The following TIE1 variants were observed in gnomAD, a reference collection of about 807,000 sequenced individuals.
The protein encoded by TIE1 is tyrosine-protein kinase receptor Tie-1.
In TIE1, 89 loss-of-function variants were observed where a neutral mutation model predicts 130.5. The observed-to-expected ratio is 0.68, with a 90% confidence interval of 0.57 to 0.81. The LOEUF (loss-of-function observed/expected upper bound fraction) is 0.81, where lower values mean the gene tolerates loss of function less well. Ranked by LOEUF, TIE1 falls within the 40% of genes least tolerant of loss-of-function variation. The probability of loss-of-function intolerance (pLI) is 0.00; values close to 1 mark genes in which losing one functional copy is unlikely to be tolerated. For synonymous variants in TIE1, 568 were observed against 629.4 expected (o/e 0.90, Z 1.46); for missense variants, 1,392 against 1,559.8 (o/e 0.89, Z 1.81).
At position 43,317,180 on chromosome 1, in the gene TIE1, C is replaced by T. The variant is rs1333791999; in HGVS notation, c.2410-19C>T. 3 of 1,613,360 alleles carry T rather than the reference C, an allele frequency of 1.9e-6. No homozygotes were observed. Among genetic ancestry groups the T allele is most frequent in the African/African-American group, 1.3e-5 (1 of 74,892 alleles). On this transcript the variant is annotated intron_variant, in intron 14 of 22. Transcript: ENST00000372476. This position sits in a 1 kb window ranked among gnomAD's most constrained non-coding sequence, Gnocchi z 5.1. ...GACTCTTGCGTGGACCGTCTGCCCT[C>T]TTGTCTCATCCTGTGAAGGGCGAGG...
chr1:43,313,074 A>G lies in TIE1; in HGVS notation c.1928-61A>G. On this transcript the variant is annotated intron_variant, in intron 12 of 22. Coordinates refer to ENST00000372476, the MANE Select transcript of TIE1 (RefSeq NM_005424.5). This position sits in a 1 kb window ranked among gnomAD's most constrained non-coding sequence, Gnocchi z 6.2. ...GAGCACAGCTAGAGCAGATGTGTCC[A>G]GCCCCACAGCTACATAGCCCGGTCC... The G allele has an allele frequency of 1.4e-5, 22 of 1,535,652 alleles. No individual in the cohort carries two copies. The highest frequency in any genetic ancestry group is 1.9e-5 in the Non-Finnish European group (22 of 1,137,158).
chr1:43,309,210 T>G lies in TIE1; in HGVS notation c.1188+79T>G. The G allele has an allele frequency of 6.6e-7, 1 of 1,521,242 alleles. No homozygotes were observed. Among genetic ancestry groups the G allele is most frequent in the Non-Finnish European group, 8.8e-7 (1 of 1,133,536 alleles). 94.2% of individuals were successfully genotyped at this position (1,521,242 alleles called of 1,614,324 possible). A position where few individuals can be genotyped will look rare whatever the true frequency, so the allele number is the denominator to read the frequency against. ...CTGATCCCTAAGACCCCCTAGTCCC[T>G]CAGAACTTTCTGCAGGGCCCACCCA... On this transcript the variant is annotated intron_variant, in intron 8 of 22. Coordinates refer to ENST00000372476, the MANE Select transcript of TIE1 (RefSeq NM_005424.5). This position sits in a 1 kb window ranked among gnomAD's most constrained non-coding sequence, Gnocchi z 6.3.
intron 19 of TIE1, chr1:43,320,943 C>T: frequency 2.9e-6 from 1 of 347,040 alleles, no homozygotes; most frequent in Non-Finnish European, 5.2e-6. Flanking sequence ...ACAAGGGAGA[C>T]TGAGGTGGGA....
At position 43,307,422 on chromosome 1, in the gene TIE1, CTCTT is replaced by C. The variant is rs781029585; in HGVS notation, c.773-6_773-3del. The C allele has an allele frequency of 1.3e-5, 21 of 1,614,016 alleles. No homozygotes were observed. Among genetic ancestry groups the C allele is most frequent in the Non-Finnish European group, 1.7e-5 (20 of 1,179,966 alleles). Reference sequence around the variant, plus strand: ...CAGAGGCCCATACACCCCACACACTCTCTTTCTAGCCTGCAGAGAGGGCCGTTTT... The same window carrying C: ...CAGAGGCCCATACACCCCACACACTCTCTAGCCTGCAGAGAGGGCCGTTTT... On this transcript the variant is annotated splice_region_variant and splice_polypyrimidine_tract_variant and intron_variant, in intron 5 of 22. Coordinates refer to ENST00000372476, the MANE Select transcript of TIE1 (RefSeq NM_005424.5). This position sits in a 1 kb window ranked among gnomAD's most constrained non-coding sequence, Gnocchi z 5.4.
chr1:43,313,856 TG>T lies in TIE1; in HGVS notation c.2300del (p.Gly767AlafsTer15). ...GATCAGCAGCTGATCCTGGCGGTGG[TG>T]GGCTCCGTGTCTGCCACCTGCCTCA... ...GLDQQLILAV[V>X]GSVSATCLTI... On this transcript the variant is annotated frameshift_variant, in exon 14 of 23. Transcript: ENST00000372476. LOFTEE classifies it high-confidence loss of function. The surrounding 1 kb of genome is among the most constrained non-coding windows in gnomAD (Gnocchi z 6.2). 6.2e-7 allele frequency: 1 copy of T among 1,614,030 alleles called. No homozygotes were observed. Among genetic ancestry groups the T allele is most frequent in the Non-Finnish European group, 8.5e-7 (1 of 1,179,962 alleles).
chr1:43,320,213 TA>T (rs1557455058), intron 19 of TIE1: 1 of 152,744 alleles, frequency 6.5e-6, no homozygotes, highest in Non-Finnish European at 1.5e-5. Context: ...CAGTCAAGAG[TA>T]AGAGCTTTGG....
Position 43,319,401 on chromosome 1 carries a change from AG to A in TIE1, c.3036+55del. The A allele has an allele frequency of 6.2e-7, 1 of 1,612,396 alleles. No homozygotes were observed. The highest frequency in any genetic ancestry group is 1.1e-5 in the South Asian group (1 of 91,026). On this transcript the variant is annotated intron_variant, in intron 18 of 22. Transcript: ENST00000372476. The surrounding 1 kb of genome is among the most constrained non-coding windows in gnomAD (Gnocchi z 4.7). The stretch of plus-strand genomic sequence containing the variant: ...GGGCTTGTGCCTGGCCCTGCCCCAC[AG>A]GAGCCTCAAACAGGCCCTTCCTCCA...
chr1:43,301,745 T>C (rs572271296), intron 1 of TIE1, among the ~76,000 whole-genome samples: 17 of 152,294 alleles, frequency 1.1e-4, no homozygotes, highest in African/African-American at 3.9e-4. Context: ...GGCAGGAGCC[T>C]GTAATCCCAG....
At position 43,306,762 on chromosome 1, in the gene TIE1, G is replaced by A. The variant is rs1330406927; in HGVS notation, c.485-78G>A. The A allele has an allele frequency of 4.7e-6, 7 of 1,503,890 alleles. No individual in the cohort carries two copies. Among genetic ancestry groups the A allele is most frequent in the African/African-American group, 1.4e-5 (1 of 71,754 alleles). 93.2% of individuals were successfully genotyped at this position (1,503,890 alleles called of 1,614,324 possible). On this transcript the variant is annotated intron_variant, in intron 3 of 22. Transcript: ENST00000372476. The surrounding 1 kb of genome is among the most constrained non-coding windows in gnomAD (Gnocchi z 4.9). ...CTGTGCATGGGGCTCATTGATGTGA[G>A]CTGAGCAGAGGTGGACAGAGAGAGG...
rs977212055 is a variant in TIE1, at chr1:43,314,299, C to T, written c.2409+331C>T. ...GATTTTCCTCTCCCCTCTTTTATTT[C>T]TCCCTAGCGGTTATCTAGGCCTAGA... On this transcript the variant is annotated intron_variant, in intron 14 of 22. Coordinates refer to ENST00000372476, the MANE Select transcript of TIE1 (RefSeq NM_005424.5). 12 of 1,028,120 alleles carry T rather than the reference C, an allele frequency of 1.2e-5. No individual in the cohort carries two copies. The African/African-American group carries it at 2.0e-4, about 17-fold the overall frequency. The allele number at this position is 1,028,120 out of a possible 1,614,324, so 63.7% of individuals were successfully genotyped here. A position where few individuals can be genotyped will look rare whatever the true frequency, so the allele number is the denominator to read the frequency against.
At position 43,307,575 on chromosome 1, in the gene TIE1, A is replaced by G; in HGVS notation, c.913+3A>G. ...GAGAGGAAGCCAGTGCCAAGAAGGT[A>G]TGCCTAACCTACCCTCATGGTCCCT... On this transcript the variant is annotated splice_donor_region_variant and intron_variant, in intron 6 of 22. Transcript: ENST00000372476. This position sits in a 1 kb window ranked among gnomAD's most constrained non-coding sequence, Gnocchi z 5.4. The G allele has an allele frequency of 3.1e-6, 5 of 1,614,042 alleles. No individual in the cohort carries two copies. Among genetic ancestry groups the G allele is most frequent in the Non-Finnish European group, 4.2e-6 (5 of 1,179,988 alleles).
rs991762562 is a variant in TIE1, at chr1:43,309,088, G to A, written c.1145G>A (p.Arg382Gln). 13 of 1,613,298 alleles carry A rather than the reference G, an allele frequency of 8.1e-6. No homozygotes were observed. Among genetic ancestry groups the A allele is most frequent in the South Asian group, 5.5e-5 (5 of 90,986 alleles). Residue 382 changes from arginine to glutamine, a missense_variant, in exon 8 of 23, where the codon CGG becomes CAG. Around this residue, in one of 6 missense-constraint regions of TIE1, gnomAD observed 551 missense variants for 565.5 expected, o/e 0.97. Transcript: ENST00000372476. The surrounding 1 kb of genome is among the most constrained non-coding windows in gnomAD (Gnocchi z 6.3). Reference protein sequence around the residue: ...CAAAGNPFPVRGSIELRKPDG... With the variant: ...CAAAGNPFPVQGSIELRKPDG... ...GCTGCAGGGAACCCCTTCCCCGTGC[G>A]GGGCAGCATAGAGCTACGCAAGCCA...
intron 1 of TIE1, among the ~76,000 whole-genome samples, chr1:43,304,019 GTGTC>G (rs1399003066): frequency 6.6e-6 from 1 of 152,252 alleles, no homozygotes; most frequent in Non-Finnish European, 1.5e-5. Context: ...CCTCGTGTCT[GTGTC>G]TGTCTGGGCT....
In TIE1 at chr1:43,307,942, T is replaced by G; in HGVS notation, c.1042+18T>G. The G allele has an allele frequency of 6.2e-7, 1 of 1,612,844 alleles. No individual in the cohort carries two copies. Among genetic ancestry groups the G allele is most frequent in the Non-Finnish European group, 8.5e-7 (1 of 1,179,018 alleles). On this transcript the variant is annotated intron_variant, in intron 7 of 22. Coordinates refer to ENST00000372476, the MANE Select transcript of TIE1 (RefSeq NM_005424.5). This position sits in a 1 kb window ranked among gnomAD's most constrained non-coding sequence, Gnocchi z 5.4. ...GAAGTCAGGTATAAGCACTATGACC[T>G]CTGAGAGCCCCCCAAGATAAGTCGG...
intron 2 of TIE1, 21 bp downstream of exon 2, chr1:43,305,186 G>C (rs568178800): frequency 5.6e-6 from 9 of 1,613,956 alleles, no homozygotes; most frequent in Admixed American, 3.3e-5. Flanking sequence ...CAGGCGGGGG[G>C]ATGGCGCGGG....
At chr1:43,320,378 ATG>A (rs1646901915) in intron 19 of TIE1, 2 of 152,246 alleles carry the variant, frequency 1.3e-5, no homozygotes, top group African/African-American at 4.8e-5. Flanking sequence ...ATGAATTAAC[ATG>A]TCTGTTAAAT....
At position 43,312,685 on chromosome 1, in the gene TIE1, C is replaced by T; in HGVS notation, c.1927+84C>T. The T allele has an allele frequency of 6.8e-7, 1 of 1,460,264 alleles. No homozygotes were observed. The highest frequency in any genetic ancestry group is 9.2e-7 in the Non-Finnish European group (1 of 1,086,556). 90.5% of individuals were successfully genotyped at this position (1,460,264 alleles called of 1,614,324 possible). A position where few individuals can be genotyped will look rare whatever the true frequency, so the allele number is the denominator to read the frequency against. On this transcript the variant is annotated intron_variant, in intron 12 of 22. Transcript: ENST00000372476. The surrounding 1 kb of genome is among the most constrained non-coding windows in gnomAD (Gnocchi z 5.6). ...CATGAGACCTAGGAGACACGGGAGG[C>T]TGTAGGAGATTAATGGACATGGAGA...
Position 43,313,072 on chromosome 1 carries a change from C to A in TIE1, c.1928-63C>A. ...GGGAGCACAGCTAGAGCAGATGTGT[C>A]CAGCCCCACAGCTACATAGCCCGGT... is the stretch of plus-strand genomic sequence containing the variant. On this transcript the variant is annotated intron_variant, in intron 12 of 22. Coordinates refer to ENST00000372476, the MANE Select transcript of TIE1 (RefSeq NM_005424.5). This position sits in a 1 kb window ranked among gnomAD's most constrained non-coding sequence, Gnocchi z 6.2. 6.5e-7 allele frequency: 1 copy of A among 1,533,470 alleles called. No homozygotes were observed. Among genetic ancestry groups the A allele is most frequent in the South Asian group, 1.3e-5 (1 of 79,256 alleles). The allele number at this position is 1,533,470 out of a possible 1,614,324, so 95.0% of individuals were successfully genotyped here.
rs976729900 is a variant in TIE1 at position 43,305,336 on chromosome 1, G to A, written c.477G>A (p.Lys159=). The A allele has an allele frequency of 2.0e-6, 3 of 1,502,254 alleles. No individual in the cohort carries two copies. The highest frequency in any genetic ancestry group is 2.7e-6 in the Non-Finnish European group (3 of 1,128,278). The allele number at this position is 1,502,254 out of a possible 1,614,324, so 93.1% of individuals were successfully genotyped here. The part of the protein sequence containing the change: ...HKEKQTDVIW[K]SNGSYFYTLD... ...AGAAGCAGACAGACGTGATCTGGAA[G>A]AGCAACGGTAAAGAGGGGCATTTGA... The change falls in exon 3 of 23, where the codon AAG becomes AAA. Residue 159 remains lysine (K), a synonymous_variant. Coordinates refer to ENST00000372476, the MANE Select transcript of TIE1 (RefSeq NM_005424.5).
Sources: gnomAD v4.1 joint callset for allele counts (sites outside exome capture counted in the v4.1 genomes callset) on GRCh38, gnomAD v4.1.1 for gene constraint, gnomAD v4.1.1 regional missense constraint, Gnocchi (gnomAD v3.1) non-coding constraint, MANE v1.5 for transcripts, NCBI Gene and HGNC (gene_info 2026-07-23, HGNC 2026-07-21) for gene names.